PCDH9: variants seen among roughly 807,000 people sequenced by gnomAD.
PCDH9 encodes the protein protocadherin-9.
Under a neutral mutation model 70.6 loss-of-function variants are expected in PCDH9, and 24 were observed. That is an observed-to-expected ratio of 0.34 (90% CI 0.25 to 0.48). The LOEUF is 0.48. PCDH9 is among the 20% of genes least tolerant of loss of function. The pLI is 0.99. For missense variants in PCDH9, 1,281 were observed against 1,503.6 expected (o/e 0.85, Z 2.45); for synonymous variants, 562 against 558.5 (o/e 1.01, Z -0.09).
intron 2 of PCDH9, among the ~76,000 whole-genome samples, chr13:67,025,891 T>C (rs1051289601): frequency 6.6e-6 from 1 of 152,300 alleles, no homozygotes; most frequent in Middle Eastern, 3.4e-3. Flanking sequence ...TTTATGCATA[T>C]AAATGTATAT....
intron 2 of PCDH9, chr13:67,215,234 T>C (rs2089574967): frequency 6.6e-6 from 1 of 151,770 alleles, no homozygotes; most frequent in African/African-American, 2.4e-5. Flanking sequence ...ATTCTATAAG[T>C]TCTATTAGAC....
At chr13:66,821,867 T>A (rs545863881) in intron 3 of PCDH9, among the ~76,000 whole-genome samples, 1 of 152,232 alleles carries the variant, frequency 6.6e-6, no homozygotes, top group African/African-American at 2.4e-5. Context: ...AGTTCTTTTA[T>A]CCTGCACATT....
At position 66,304,532 on chromosome 13, in the gene PCDH9, C is replaced by T; in HGVS notation, c.*123G>A. On this transcript the variant is annotated 3_prime_UTR_variant, in exon 5 of 5. Coordinates refer to ENST00000377865, the MANE Select transcript of PCDH9 (RefSeq NM_203487.3). Reference sequence around the variant, plus strand: ...CATTGTATTCTCCATGGTGCTAACACAAAGTTATAGGTATCCCTGCTAGAA... The same window carrying T: ...CATTGTATTCTCCATGGTGCTAACATAAAGTTATAGGTATCCCTGCTAGAA... 1 of 751,680 alleles carries T rather than the reference C, an allele frequency of 1.3e-6. No individual in the cohort carries two copies. Among genetic ancestry groups the T allele is most frequent in the Admixed American group, 2.3e-5 (1 of 42,902 alleles). 46.6% of individuals were successfully genotyped at this position (751,680 alleles called of 1,614,324 possible).
At chr13:67,048,885 A>C (rs1032508428) in intron 2 of PCDH9, among the ~76,000 whole-genome samples, 20 of 152,172 alleles carry the variant, frequency 1.3e-4, no homozygotes, top group African/African-American at 4.8e-4. Flanking sequence ...GCAAACATGA[A>C]GGCCCAGGAC....
chr13:66,733,558 AT>A (rs892545167), intron 3 of PCDH9, among the ~76,000 whole-genome samples: 27 of 152,160 alleles, frequency 1.8e-4, no homozygotes, highest in African/African-American at 6.5e-4. Context: ...AGCTAGTTGA[AT>A]TTCCATATAG....
chr13:66,435,388 A>G (rs1593974883), intron 4 of PCDH9, among the ~76,000 whole-genome samples: 1 of 152,274 alleles, frequency 6.6e-6, no homozygotes, highest in South Asian at 2.1e-4. Context: ...TAGTTATTAA[A>G]TGGAGACTAC....
chr13:66,736,484 T>C (rs1446012161), intron 3 of PCDH9, among the ~76,000 whole-genome samples: 4 of 152,226 alleles, frequency 2.6e-5, no homozygotes, highest in African/African-American at 9.6e-5. Context: ...CTTGGACTTC[T>C]AGTCTCAAGA....
intron 4 of PCDH9, among the ~76,000 whole-genome samples, chr13:66,492,650 G>C (rs1271316147): frequency 6.6e-6 from 1 of 151,916 alleles, no homozygotes; most frequent in East Asian, 1.9e-4. Context: ...TGCTGGTCAT[G>C]CTATAAATAA....
chr13:66,314,264 C>G (rs1955612636), intron 4 of PCDH9, among the ~76,000 whole-genome samples: 2 of 152,208 alleles, frequency 1.3e-5, no homozygotes. Flanking sequence ...ATAACGTTTT[C>G]AGGCTTCATC....
At chr13:66,855,828 T>C (rs1165670232) in intron 3 of PCDH9, among the ~76,000 whole-genome samples, 1 of 151,942 alleles carries the variant, frequency 6.6e-6, no homozygotes, top group Non-Finnish European at 1.5e-5. Context: ...TGAATAAACA[T>C]AAAAAACTCA....
chr13:66,970,445 A>G (rs2083500643), intron 2 of PCDH9, among the ~76,000 whole-genome samples: 2 of 151,714 alleles, frequency 1.3e-5, no homozygotes, highest in Non-Finnish European at 2.9e-5. Flanking sequence ...CATAGGTAAC[A>G]TAGCAAGAAC....
At chr13:66,980,839 A>T (rs1267520543) in intron 2 of PCDH9, among the ~76,000 whole-genome samples, 12 of 150,052 alleles carry the variant, frequency 8.0e-5, no homozygotes, top group Admixed American at 6.7e-4. Flanking sequence ...TATCCTAACT[A>T]AACCTTTTAA....
At chr13:66,794,492 G>T (rs1355366568) in intron 3 of PCDH9, among the ~76,000 whole-genome samples, 1 of 152,108 alleles carries the variant, frequency 6.6e-6, no homozygotes, top group Admixed American at 6.6e-5. Flanking sequence ...GAAGCGTTTA[G>T]CATCTTGTCA....
intron 3 of PCDH9, among the ~76,000 whole-genome samples, chr13:66,817,172 T>C (rs923542381): frequency 2.6e-4 from 40 of 152,150 alleles, no homozygotes; most frequent in Non-Finnish European, 7.4e-5. Flanking sequence ...TGCTATTTTA[T>C]ATAAGGGCCT....
intron 3 of PCDH9, among the ~76,000 whole-genome samples, chr13:66,652,887 T>C (rs2077872892): frequency 6.6e-6 from 1 of 151,962 alleles, no homozygotes; most frequent in African/African-American, 2.4e-5. Flanking sequence ...AGAACATACA[T>C]TGAGGGAAAG....
At chr13:66,404,918 T>G (rs1445505852) in intron 4 of PCDH9, among the ~76,000 whole-genome samples, 1 of 152,192 alleles carries the variant, frequency 6.6e-6, no homozygotes, top group Non-Finnish European at 1.5e-5. Context: ...AAAACCAGAT[T>G]CATAATCCAT....
At chr13:66,871,459 G>A (rs1187675190) in intron 3 of PCDH9, among the ~76,000 whole-genome samples, 3 of 151,172 alleles carry the variant, frequency 2.0e-5, no homozygotes, top group Admixed American at 6.6e-5. Context: ...GTTCACACAC[G>A]ATACTCTTAA....
chr13:66,552,049 G>T (rs1180731090), intron 4 of PCDH9, among the ~76,000 whole-genome samples: 2 of 152,162 alleles, frequency 1.3e-5, no homozygotes, highest in Admixed American at 1.3e-4. Context: ...CCCCTATAGA[G>T]TTCTCTCTCC....
At chr13:67,068,906 C>G (rs2085704355) in intron 2 of PCDH9, among the ~76,000 whole-genome samples, 1 of 152,154 alleles carries the variant, frequency 6.6e-6, no homozygotes, top group Non-Finnish European at 1.5e-5. Context: ...TTCTTGTCAT[C>G]CAAGTTATTA....
Sources: allele counts gnomAD v4.1 joint callset (sites outside exome capture counted in the v4.1 genomes callset), GRCh38; gene constraint gnomAD v4.1.1; transcripts MANE v1.5; gene names NCBI Gene and HGNC (gene_info 2026-07-23, HGNC 2026-07-21).